METTL8: variants seen among roughly 807,000 people sequenced by gnomAD.
METTL8 encodes tRNA N(3)-cytidine methyltransferase METTL8, mitochondrial.
In METTL8, 32 loss-of-function variants were observed where a neutral mutation model predicts 48.7. The ratio of observed to expected loss-of-function variants is 0.66; its 90% confidence interval spans 0.50 to 0.88. The LOEUF is 0.88. METTL8 is among the 40% of genes least tolerant of loss of function. The pLI is 0.00. For missense variants in METTL8, 464 were observed against 474.4 expected (o/e 0.98, Z 0.20); for synonymous variants, 136 against 157.1 (o/e 0.87, Z 1.01).
Position 171,325,919 on chromosome 2 carries a change from G to A in METTL8, c.968-13C>T. 6.4e-7 allele frequency: 1 copy of A among 1,569,140 alleles called. No homozygotes were observed. The highest frequency in any genetic ancestry group is 8.7e-7 in the Non-Finnish European group (1 of 1,145,148). On this transcript the variant is annotated splice_polypyrimidine_tract_variant and intron_variant, in intron 8 of 9. Coordinates refer to ENST00000375258, the MANE Select transcript of METTL8 (RefSeq NM_001321154.2). ...GATAAACAATGTCCTGAAAAAAATT[G>A]TGAAAAGAGAAACTCTTAAGGGTAT...
intron 2 of METTL8, among the ~76,000 whole-genome samples, chr2:171,377,245 TAGAAGATAACATCGGAA>T (rs1687064261): frequency 6.6e-6 from 1 of 152,124 alleles, no homozygotes; most frequent in East Asian, 1.9e-4. Context: ...ATAAAAATTC[TAGAAGATAACATCGGAA>T]AAACTCTTCT....
At chr2:171,387,166 C>G (rs1009646074) in intron 2 of METTL8, among the ~76,000 whole-genome samples, 2 of 152,172 alleles carry the variant, frequency 1.3e-5, no homozygotes, top group African/African-American at 4.8e-5. Context: ...ACTGAGCTAA[C>G]ACAAGCTGCC....
rs1486270416 is a variant in METTL8 at position 171,337,470 on chromosome 2, T to C, written c.639A>G (p.Pro213=). The C allele has an allele frequency of 1.2e-6, 2 of 1,605,522 alleles. No homozygotes were observed. The highest frequency in any genetic ancestry group is 8.5e-7 in the Non-Finnish European group (1 of 1,175,860). ...AAACTCACTCCAAAGTGTTCAAAAT[T>C]GGAAACACACTATTTCCAGCTCCAC... ...VGCGAGNSVF[P]ILNTLENSPE... Residue 213 remains proline, a synonymous_variant, in exon 5 of 10, where the codon CCA becomes CCG. Transcript: ENST00000375258.
intron 2 of METTL8, among the ~76,000 whole-genome samples, chr2:171,366,107 C>T (rs1189264045): frequency 2.0e-4 from 31 of 151,884 alleles, no homozygotes; most frequent in Admixed American, 2.0e-3. Context: ...GCTAGCTGCT[C>T]ATCTACAGGC....
intron 2 of METTL8, among the ~76,000 whole-genome samples, chr2:171,362,566 A>AAATAAAT (rs1685270059): frequency 6.9e-6 from 1 of 145,928 alleles, no homozygotes; most frequent in Non-Finnish European, 1.5e-5. Flanking sequence ...TAAAAAAATA[A>AAATAAAT]AAATAAATAA....
intron 2 of METTL8, among the ~76,000 whole-genome samples, chr2:171,363,325 C>T (rs577914587): frequency 6.6e-6 from 1 of 151,852 alleles, no homozygotes; most frequent in Admixed American, 6.6e-5. Context: ...TATGGCAGTT[C>T]TTTATTTTAG....
At chr2:171,434,263 A>G (rs1693576335), upstream of METTL8, 3 of 520,694 alleles carry the variant, frequency 5.8e-6, no homozygotes, top group South Asian at 1.5e-5. Context: ...TAGGAACTAC[A>G]TTTCCCGGTG....
intron 9 of METTL8, among the ~76,000 whole-genome samples, chr2:171,324,716 G>A (rs999981605): frequency 2.0e-5 from 3 of 152,138 alleles, no homozygotes; most frequent in African/African-American, 7.2e-5. Flanking sequence ...ATAAATTTGG[G>A]GAAATCCTTG....
At chr2:171,418,716 G>C (rs1691570974) in intron 1 of METTL8, among the ~76,000 whole-genome samples, 1 of 152,032 alleles carries the variant, frequency 6.6e-6, no homozygotes, top group African/African-American at 2.4e-5. Flanking sequence ...CACTTTGGGA[G>C]GCCGAAGCTG....
At chr2:171,376,921 T>C (rs1687031169) in intron 2 of METTL8, among the ~76,000 whole-genome samples, 1 of 151,868 alleles carries the variant, frequency 6.6e-6, no homozygotes, top group African/African-American at 2.4e-5. Context: ...AATCTGGAGG[T>C]GTCACATTAC....
At chr2:171,429,122 C>T (rs1445761068) in intron 1 of METTL8, among the ~76,000 whole-genome samples, 2 of 139,484 alleles carry the variant, frequency 1.4e-5, no homozygotes, top group Non-Finnish European at 3.2e-5. Flanking sequence ...AAAAATCTTT[C>T]AAAAAAAAAA....
At chr2:171,352,008 T>C (rs1223969931) in intron 3 of METTL8, among the ~76,000 whole-genome samples, 1 of 152,166 alleles carries the variant, frequency 6.6e-6, no homozygotes, top group East Asian at 1.9e-4. Flanking sequence ...TGAGTAAGAG[T>C]GGTGAGAGAG....
rs1684242733 is a variant in METTL8, at chr2:171,315,929, G to A, written c.*8243C>T. ...CAAGCCAAATTCCTCTGGTGTCACA[G>A]TTCCTCCTATACCAGGCCAGGCACT... On this transcript the variant is annotated 3_prime_UTR_variant, in exon 10 of 10. Coordinates refer to ENST00000375258, the MANE Select transcript of METTL8 (RefSeq NM_001321154.2). Among the ~76,000 whole-genome samples, 1 of 152,210 alleles carries A rather than the reference G, an allele frequency of 6.6e-6. No homozygotes were observed. Among genetic ancestry groups the A allele is most frequent in the Non-Finnish European group, 1.5e-5 (1 of 68,042 alleles).
chr2:171,374,580 C>T (rs540104157), intron 2 of METTL8, among the ~76,000 whole-genome samples: 3 of 152,056 alleles, frequency 2.0e-5, no homozygotes, highest in Admixed American at 2.0e-4. Flanking sequence ...AAATTTTCAC[C>T]GTAATCAAGA....
chr2:171,423,969 T>G (rs1692138266), intron 1 of METTL8, among the ~76,000 whole-genome samples: 2 of 152,166 alleles, frequency 1.3e-5, no homozygotes, highest in South Asian at 2.1e-4. Flanking sequence ...CTGGGCTGGA[T>G]GCAGGGCCCT....
rs1360221290 is a variant in METTL8, at chr2:171,316,618, G to A, written c.*7554C>T. 6.6e-6 allele frequency among the ~76,000 whole-genome samples: 1 copy of A among 152,160 alleles called. No homozygotes were observed. The highest frequency in any genetic ancestry group is 1.5e-5 in the Non-Finnish European group (1 of 68,022). ...TAAGAATATATTCATGGAAAGGATA[G>A]ATCTTCCTTGCTTTTTGGGATCCTG... On this transcript the variant is annotated 3_prime_UTR_variant, in exon 10 of 10. Transcript: ENST00000375258.
intron 2 of METTL8, among the ~76,000 whole-genome samples, chr2:171,382,466 A>G (rs921999377): frequency 1.3e-5 from 2 of 152,146 alleles, no homozygotes; most frequent in African/African-American, 4.8e-5. Flanking sequence ...AGAAAACCAA[A>G]CACTGCATGT....
chr2:171,410,218 G>A (rs528282035), intron 1 of METTL8, among the ~76,000 whole-genome samples: 10 of 152,186 alleles, frequency 6.6e-5, no homozygotes, highest in South Asian at 2.1e-4. Flanking sequence ...TTTTCTATAG[G>A]AACATTTTAA....
chr2:171,414,335 T>A (rs961043125), intron 1 of METTL8, among the ~76,000 whole-genome samples: 1 of 151,022 alleles, frequency 6.6e-6, no homozygotes, highest in Admixed American at 6.6e-5. Flanking sequence ...GAGAATTGCT[T>A]GAACCCGGGA....
Sources: gnomAD v4.1 joint callset for allele counts (sites outside exome capture counted in the v4.1 genomes callset) on GRCh38, gnomAD v4.1.1 for gene constraint, MANE v1.5 for transcripts, NCBI Gene and HGNC (gene_info 2026-07-23, HGNC 2026-07-21) for gene names.